The following ETV6 variants were observed in gnomAD, a reference collection of about 807,000 sequenced individuals.
ETV6 encodes the protein transcription factor ETV6.
Under a neutral mutation model 51.1 loss-of-function variants are expected in ETV6, and 16 were observed. That is an observed-to-expected ratio of 0.31 (90% CI 0.21 to 0.48). The LOEUF is 0.48. ETV6 is among the 20% of genes least tolerant of loss of function. The pLI is 0.99. For synonymous variants in ETV6, 240 were observed against 224.1 expected (o/e 1.07, Z -0.64); for missense variants, 458 against 594.8 (o/e 0.77, Z 2.39).
chr12:11,730,144 T>A (rs1055669236), intron 1 of ETV6, among the ~76,000 whole-genome samples: 1 of 152,222 alleles, frequency 6.6e-6, no homozygotes. Context: ...CATTTGACTC[T>A]GACCTTATAT....
At chr12:11,806,575 T>C (rs2136411927) in intron 2 of ETV6, among the ~76,000 whole-genome samples, 1 of 152,294 alleles carries the variant, frequency 6.6e-6, no homozygotes, top group East Asian at 1.9e-4. Context: ...ATTTTTAGGT[T>C]TTCATGTTTA....
intron 2 of ETV6, among the ~76,000 whole-genome samples, chr12:11,821,011 A>G (rs1193469757): frequency 6.6e-6 from 1 of 152,128 alleles, no homozygotes; most frequent in African/African-American, 2.4e-5. Flanking sequence ...GCAGAGCTGG[A>G]TACATTTGGA....
At chr12:11,719,648 T>C (rs1235402927) in intron 1 of ETV6, among the ~76,000 whole-genome samples, 1 of 152,206 alleles carries the variant, frequency 6.6e-6, no homozygotes, top group Non-Finnish European at 1.5e-5. Context: ...AGGGAGGAAC[T>C]TGATGGGCTG....
chr12:11,650,384 A>AC (rs1212358551), intron 1 of ETV6, among the ~76,000 whole-genome samples: 1 of 32,326 alleles, frequency 3.1e-5, no homozygotes, highest in Non-Finnish European at 9.2e-5. Context: ...CTCGGCCCCC[A>AC]CCCCCTTGCT....
chr12:11,677,332 G>A (rs911753969), intron 1 of ETV6, among the ~76,000 whole-genome samples: 15 of 152,174 alleles, frequency 9.9e-5, no homozygotes, highest in Non-Finnish European at 1.5e-4. Context: ...CTGCTACTGA[G>A]AATCCAAGTT....
Position 11,752,502 on chromosome 12 carries a change from C to A in ETV6, c.86C>A (p.Ser29Tyr). 3.1e-6 allele frequency: 5 copies of A among 1,614,048 alleles called. No homozygotes were observed. The highest frequency in any genetic ancestry group is 4.2e-6 in the Non-Finnish European group (5 of 1,179,992). Residue 29 changes from serine (S) to tyrosine (Y), a missense_variant, in exon 2 of 8, where the codon TCC (serine) becomes TAC (tyrosine). Physicochemically the swap from Ser to Tyr is moderately radical, Grantham distance 144. Coordinates refer to ENST00000396373, the MANE Select transcript of ETV6 (RefSeq NM_001987.5). The stretch of plus-strand genomic sequence containing the variant: ...GAGAGCCCAGTGCCGAGTTACGCTT[C>A]CTCGACGCCACTTCATGTTCCAGTG... Reference protein sequence around the residue: ...PPESPVPSYASSTPLHVPVPR... With the variant: ...PPESPVPSYAYSTPLHVPVPR...
chr12:11,671,019 G>A (rs1171287776), intron 1 of ETV6, among the ~76,000 whole-genome samples: 1 of 152,096 alleles, frequency 6.6e-6, no homozygotes, highest in Non-Finnish European at 1.5e-5. Flanking sequence ...AAAAGTGATG[G>A]GAATAACCCA....
chr12:11,676,494 G>A (rs1203606738), intron 1 of ETV6, among the ~76,000 whole-genome samples: 1 of 152,190 alleles, frequency 6.6e-6, no homozygotes, highest in African/African-American at 2.4e-5. Flanking sequence ...CAACTCCTTA[G>A]CATTCTACAG....
At position 11,716,271 on chromosome 12, in the gene ETV6, C is replaced by T. The variant is rs138542821; in HGVS notation, c.34-36179C>T. The stretch of plus-strand genomic sequence containing the variant: ...GCGTGAATCTGGGAGGCTGAGCTTG[C>T]AGTGAGCGGAGATCATGCCACTGCA... On this transcript the variant is annotated intron_variant, in intron 1 of 7. Transcript: ENST00000396373. Among the ~76,000 whole-genome samples the T allele has an allele frequency of 7.9e-4, 99 of 124,592 alleles. 2 individuals carry two copies. The East Asian group carries it at 0.02, about 25-fold the overall frequency. The allele number at this position is 124,592 out of a possible 152,430, so 81.7% of individuals were successfully genotyped here.
intron 1 of ETV6, among the ~76,000 whole-genome samples, chr12:11,672,557 C>T (rs12826301): frequency 0.04 from 6,051 of 152,238 alleles, 138 homozygotes; most frequent in Admixed American, 0.062. Context: ...AGTTGTCCTC[C>T]GTTAATGGGG....
At chr12:11,742,285 C>T (rs1021260986) in intron 1 of ETV6, among the ~76,000 whole-genome samples, 15 of 152,168 alleles carry the variant, frequency 9.9e-5, no homozygotes, top group African/African-American at 2.9e-4. Context: ...TAGTAGTCAC[C>T]TTGTCAGTAG....
chr12:11,689,638 A>C (rs566712683), intron 1 of ETV6, among the ~76,000 whole-genome samples: 9 of 152,210 alleles, frequency 5.9e-5, no homozygotes, highest in South Asian at 2.1e-4. Context: ...ATAAGCTGGC[A>C]TCAACTGAAA....
At chr12:11,863,225 A>G (rs888614648) in intron 4 of ETV6, among the ~76,000 whole-genome samples, 1 of 152,174 alleles carries the variant, frequency 6.6e-6, no homozygotes, top group African/African-American at 2.4e-5. Flanking sequence ...AGCATGGTTA[A>G]ATTGGGTCAA....
intron 1 of ETV6, among the ~76,000 whole-genome samples, chr12:11,685,562 G>A (rs552164692): frequency 6.4e-4 from 98 of 152,106 alleles, no homozygotes; most frequent in African/African-American, 2.2e-3. Flanking sequence ...GTAAAAACCA[G>A]GAAGTGGGAA....
At chr12:11,820,473 G>T (rs1262640967) in intron 2 of ETV6, among the ~76,000 whole-genome samples, 1 of 152,190 alleles carries the variant, frequency 6.6e-6, no homozygotes, top group Non-Finnish European at 1.5e-5. Flanking sequence ...AAATAAGCAA[G>T]AAAGAAGACC....
chr12:11,788,755 G>GTTT (rs1565526404), intron 2 of ETV6, among the ~76,000 whole-genome samples: 4 of 96,744 alleles, frequency 4.1e-5, no homozygotes, highest in Non-Finnish European at 9.1e-5. Flanking sequence ...TGCTTGTATT[G>GTTT]GTTTTTTTTT....
chr12:11,829,951 G>T (rs1037363724), intron 2 of ETV6, among the ~76,000 whole-genome samples: 1 of 152,226 alleles, frequency 6.6e-6, no homozygotes, highest in South Asian at 2.1e-4. Flanking sequence ...CAGACCCAGA[G>T]GAGTGAGATG....
intron 2 of ETV6, among the ~76,000 whole-genome samples, chr12:11,826,181 C>T (rs1184316669): frequency 6.6e-6 from 1 of 152,134 alleles, no homozygotes; most frequent in Non-Finnish European, 1.5e-5. Context: ...GGCCAGCCTG[C>T]AGACCGCCCA....
intron 1 of ETV6, among the ~76,000 whole-genome samples, chr12:11,666,520 T>A (rs1864197747): frequency 6.6e-6 from 1 of 151,988 alleles, no homozygotes; most frequent in South Asian, 2.1e-4. Flanking sequence ...CTTAAGAGAG[T>A]GTGTTAGGGT....
Sources: gnomAD v4.1 joint callset for allele counts (sites outside exome capture counted in the v4.1 genomes callset) on GRCh38, gnomAD v4.1.1 for gene constraint, MANE v1.5 for transcripts, NCBI Gene and HGNC (gene_info 2026-07-23, HGNC 2026-07-21) for gene names.